The following RAMP3 variants were observed in gnomAD, a reference collection of about 807,000 sequenced individuals.
RAMP3 encodes receptor activity-modifying protein 3.
RAMP3 carries 14 observed loss-of-function variants against 13.5 expected under a neutral mutation model. That is an observed-to-expected ratio of 1.04 (90% CI 0.69 to 1.63). The LOEUF is 1.63. Among genes scored for constraint, RAMP3 ranks in the 40% most tolerant of loss-of-function variants. The pLI is 0.00. For missense variants in RAMP3, 200 were observed against 204.8 expected, an observed-to-expected ratio of 0.98 and a Z score of 0.14; for synonymous variants, 106 against 88.3, an observed-to-expected ratio of 1.20 and a Z score of -1.12.
Position 45,184,162 on chromosome 7 carries a change from G to T in RAMP3, c.*750G>T, listed in dbSNP as rs1329652713. ...CTACAGGGGCTCCTCTGTGGGTGAGGGGCCCTCTGGAATGGCATCCCATGA... is the reference window on the plus strand; with the variant it reads ...CTACAGGGGCTCCTCTGTGGGTGAGTGGCCCTCTGGAATGGCATCCCATGA... On this transcript the variant is annotated 3_prime_UTR_variant, in exon 3 of 3. Transcript: ENST00000242249. The T allele has an allele frequency of 5.0e-6, 2 of 398,660 alleles. No individual in the cohort carries two copies. Among genetic ancestry groups the T allele is most frequent in the South Asian group, 2.5e-4 (2 of 7,870 alleles). 24.7% of individuals were successfully genotyped at this position (398,660 alleles called of 1,614,324 possible).
intron 1 of RAMP3, among the ~76,000 whole-genome samples, chr7:45,170,344 T>C (rs1163175106): frequency 6.6e-6 from 1 of 152,026 alleles, no homozygotes; most frequent in African/African-American, 2.4e-5. Flanking sequence ...TTATTATTTA[T>C]TTATTTATTT....
chr7:45,157,953 C>A, intron 1 of RAMP3, 67 bp downstream of exon 1: 1 of 1,274,574 alleles, frequency 7.8e-7, no homozygotes, highest in Non-Finnish European at 1.0e-6. Context: ...CCGGGTGGAC[C>A]CGCGCCTTCC....
intron 1 of RAMP3, among the ~76,000 whole-genome samples, chr7:45,164,355 G>A (rs1785919025): frequency 6.6e-6 from 1 of 150,432 alleles, no homozygotes; most frequent in South Asian, 2.1e-4. Flanking sequence ...GGTAATATGA[G>A]ATCTTGTCTC....
chr7:45,167,003 G>T (rs1426135232), intron 1 of RAMP3, among the ~76,000 whole-genome samples: 2 of 137,820 alleles, frequency 1.5e-5, no homozygotes, highest in Non-Finnish European at 3.0e-5. Context: ...TGTTGCCCAG[G>T]CTGGAGTGCA....
rs181998495 is a variant in RAMP3 at position 45,164,813 on chromosome 7, C to G, written c.58+6927C>G. 2.5e-3 allele frequency among the ~76,000 whole-genome samples: 378 copies of G among 152,126 alleles called. 5 individuals carry two copies. The highest frequency in any genetic ancestry group is 8.8e-3 in the African/African-American group (367 of 41,510). ...TAGTGGTAGCAAGATGTGTCTTTTC[C>G]CACTCTTTTATTTTGAACCTATTTG... On this transcript the variant is annotated intron_variant, in intron 1 of 2. Transcript: ENST00000242249.
intron 2 of RAMP3, among the ~76,000 whole-genome samples, chr7:45,178,977 C>T (rs780549730): frequency 1.3e-5 from 2 of 152,096 alleles, no homozygotes; most frequent in East Asian, 3.9e-4. Context: ...ACGACCCGGC[C>T]GGCAGCACCA....
intron 1 of RAMP3, among the ~76,000 whole-genome samples, chr7:45,174,355 G>A (rs965240775): frequency 6.6e-6 from 1 of 152,172 alleles, no homozygotes; most frequent in Non-Finnish European, 1.5e-5. Context: ...GACTCCCATG[G>A]CCTCAGCAAG....
In RAMP3 at chr7:45,183,279, C is replaced by T; in HGVS notation, c.314C>T (p.Thr105Ile). 1 of 1,614,108 alleles carries T rather than the reference C, an allele frequency of 6.2e-7. No homozygotes were observed. Among genetic ancestry groups the T allele is most frequent in the Non-Finnish European group, 8.5e-7 (1 of 1,180,044 alleles). ...GIHRQFFSNCTVDRVHLEDPP... is the reference protein window; with the variant it reads ...GIHRQFFSNCIVDRVHLEDPP... ...CACAGGCAGTTCTTCTCCAACTGCA[C>T]CGTGGACAGGGTCCACTTGGAGGAC... Residue 105 changes from threonine (T) to isoleucine (I), a missense_variant, in exon 3 of 3, where the codon ACC becomes ATC. Physicochemically the swap from Thr to Ile is moderately conservative, Grantham distance 89. Transcript: ENST00000242249.
chr7:45,178,345 C>T (rs901446834), intron 2 of RAMP3, among the ~76,000 whole-genome samples: 2 of 152,220 alleles, frequency 1.3e-5, no homozygotes, highest in African/African-American at 4.8e-5. Flanking sequence ...CCACCCCACT[C>T]CACCTCTGGC....
rs1452008021 is a variant in RAMP3, at chr7:45,183,333, TCGTTATACCCGTCGTTCTGA to T, written c.370_389del (p.Val124CysfsTer68). The T allele has an allele frequency of 6.2e-7, 1 of 1,614,034 alleles. No individual in the cohort carries two copies. Among genetic ancestry groups the T allele is most frequent in the Admixed American group, 1.7e-5 (1 of 60,032 alleles). On this transcript the variant is annotated frameshift_variant, in exon 3 of 3. Coordinates refer to ENST00000242249, the MANE Select transcript of RAMP3 (RefSeq NM_005856.3). LOFTEE classifies it high-confidence loss of function. ...CCAGACGAGGTTCTCATCCCGCTGA[TCGTTATACCCGTCGTTCTGA>T]CTGTCGCCATGGCTGGCCTGGTGGT...
At position 45,183,299 on chromosome 7, in the gene RAMP3, G is replaced by A; in HGVS notation, c.334G>A (p.Glu112Lys). ...CTGCACCGTGGACAGGGTCCACTTG[G>A]AGGACCCCCCAGACGAGGTTCTCAT... Reference protein sequence around the residue: ...SNCTVDRVHLEDPPDEVLIPL... With the variant: ...SNCTVDRVHLKDPPDEVLIPL... Residue 112 changes from glutamate to lysine, a missense_variant, in exon 3 of 3, where the codon GAG becomes AAG. Glu to Lys is a moderately conservative substitution (Grantham distance 56). Coordinates refer to ENST00000242249, the MANE Select transcript of RAMP3 (RefSeq NM_005856.3). 6.2e-7 allele frequency: 1 copy of A among 1,614,112 alleles called. No individual in the cohort carries two copies. The highest frequency in any genetic ancestry group is 1.1e-5 in the South Asian group (1 of 91,086).
chr7:45,165,361 A>G (rs1337767600), intron 1 of RAMP3, among the ~76,000 whole-genome samples: 1 of 152,234 alleles, frequency 6.6e-6, no homozygotes, highest in Non-Finnish European at 1.5e-5. Flanking sequence ...AAAATTCTAT[A>G]TATTTACTTG....
At chr7:45,166,175 C>CT (rs34697827) in intron 1 of RAMP3, among the ~76,000 whole-genome samples, 8,800 of 145,520 alleles carry the variant, frequency 0.06, 348 homozygotes, top group East Asian at 0.16. Flanking sequence ...CTCACTGACA[C>CT]TTTTTTTTTT....
At chr7:45,157,910 G>A in intron 1 of RAMP3, 24 bp downstream of exon 1, 1 of 1,345,420 alleles carries the variant, frequency 7.4e-7, no homozygotes, top group Non-Finnish European at 9.5e-7. Flanking sequence ...GGCCCGCACC[G>A]GGGGCGCCCC....
chr7:45,172,460 C>A (rs1182347488), intron 1 of RAMP3, among the ~76,000 whole-genome samples: 1 of 152,204 alleles, frequency 6.6e-6, no homozygotes, highest in African/African-American at 2.4e-5. Context: ...TCCCAGAAGT[C>A]TGTACCCCCT....
Position 45,182,160 on chromosome 7 carries a change from AAGG to A in RAMP3, c.192-991_192-989del, listed in dbSNP as rs1786329677. Among the ~76,000 whole-genome samples, 13 of 152,212 alleles carry A rather than the reference AAGG, an allele frequency of 8.5e-5. No homozygotes were observed. In the South Asian group the frequency reaches 2.7e-3, roughly 32 times the overall value. ...TGGCTCCCTCCTGGGACAGCGCGGG[AAGG>A]AGGAGATGGGCTACTTTCCCATGGG... On this transcript the variant is annotated intron_variant, in intron 2 of 2. Transcript: ENST00000242249.
At chr7:45,163,236 T>C in intron 1 of RAMP3, 1 of 985,398 alleles carries the variant, frequency 1.0e-6, no homozygotes, top group Non-Finnish European at 1.2e-6. Flanking sequence ...CCCTGAAAGA[T>C]GACAGTGCCC....
At chr7:45,164,301 C>G (rs531477800) in intron 1 of RAMP3, among the ~76,000 whole-genome samples, 6 of 152,290 alleles carry the variant, frequency 3.9e-5, no homozygotes, top group Non-Finnish European at 8.8e-5. Context: ...GTAATTCCAG[C>G]ACTTTGGGAG....
At position 45,183,165 on chromosome 7, in the gene RAMP3, A is replaced by G; in HGVS notation, c.200A>G (p.Glu67Gly). The change falls in exon 3 of 3, where the codon GAG becomes GGG. Residue 67 changes from glutamate to glycine, a missense_variant. Coordinates refer to ENST00000242249, the MANE Select transcript of RAMP3 (RefSeq NM_005856.3). ...CNLSEFIVYY[E>G]SFTNCTEMEA... ...CCCCTCTGCTTTTGCAGGTACTATG[A>G]GAGTTTCACCAACTGCACCGAGATG... The G allele has an allele frequency of 6.2e-7, 1 of 1,611,058 alleles. No individual in the cohort carries two copies. Among genetic ancestry groups the G allele is most frequent in the Non-Finnish European group, 8.5e-7 (1 of 1,179,918 alleles).
Sources: gnomAD v4.1 joint callset for allele counts (sites outside exome capture counted in the v4.1 genomes callset) on GRCh38, gnomAD v4.1.1 for gene constraint, MANE v1.5 for transcripts, NCBI Gene and HGNC (gene_info 2026-07-23, HGNC 2026-07-21) for gene names.